MXI1: variants seen among roughly 807,000 people sequenced by gnomAD.
MXI1 encodes the protein max-interacting protein 1.
In MXI1, 18 loss-of-function variants were observed where a neutral mutation model predicts 36.9. That is an observed-to-expected ratio of 0.49 (90% CI 0.34 to 0.72). The LOEUF (loss-of-function observed/expected upper bound fraction) is 0.72, where lower values mean the gene tolerates loss of function less well. Ranked by LOEUF, MXI1 falls within the 30% of genes least tolerant of loss-of-function variation. The probability of loss-of-function intolerance (pLI) is 0.01; values close to 1 mark genes in which losing one functional copy is unlikely to be tolerated. For missense variants in MXI1, 304 were observed against 379.1 expected (o/e 0.80, Z 1.64); for synonymous variants, 160 against 146.7 (o/e 1.09, Z -0.65).
chr10:110,282,302 A>G (rs1046797903), intron 5 of MXI1, among the ~76,000 whole-genome samples: 3 of 150,708 alleles, frequency 2.0e-5, no homozygotes, highest in Non-Finnish European at 4.5e-5. Context: ...AGCCTTTTAA[A>G]TAGTTTTTTC....
intron 3 of MXI1, among the ~76,000 whole-genome samples, chr10:110,249,719 T>G (rs541930693): frequency 2.2e-4 from 33 of 152,246 alleles, no homozygotes; most frequent in African/African-American, 5.1e-4. Context: ...GAAGTAAAGT[T>G]AAATATGGAA....
At chr10:110,231,598 TTAAAA>T (rs1403697796) in intron 2 of MXI1, among the ~76,000 whole-genome samples, 1 of 152,188 alleles carries the variant, frequency 6.6e-6, no homozygotes, top group African/African-American at 2.4e-5. Flanking sequence ...TAATATATAA[TTAAAA>T]TAAATGCTTG....
intron 1 of MXI1, among the ~76,000 whole-genome samples, chr10:110,224,635 CTTTTTTT>C (rs34948360): frequency 7.9e-6 from 1 of 126,428 alleles, no homozygotes; most frequent in African/African-American, 3.0e-5. Flanking sequence ...CAGTCAGTGG[CTTTTTTT>C]TTTTTTTTTT....
At chr10:110,262,324 G>T (rs764895994) in intron 3 of MXI1, among the ~76,000 whole-genome samples, 1 of 152,088 alleles carries the variant, frequency 6.6e-6, no homozygotes, top group African/African-American at 2.4e-5. Context: ...GATGTACATA[G>T]GTTATATGCA....
intron 3 of MXI1, among the ~76,000 whole-genome samples, chr10:110,253,706 G>A (rs1390598288): frequency 1.3e-5 from 2 of 152,044 alleles, no homozygotes; most frequent in Non-Finnish European, 2.9e-5. Flanking sequence ...TATAACTTCA[G>A]CTGGATTAAA....
intron 3 of MXI1, among the ~76,000 whole-genome samples, chr10:110,262,085 G>A (rs981225308): frequency 2.0e-5 from 3 of 151,974 alleles, no homozygotes; most frequent in Admixed American, 1.3e-4. Context: ...AAATAACAAA[G>A]CAAAATCACA....
rs931437916 is a variant in MXI1 at position 110,285,995 on chromosome 10, A to G, written c.*1008A>G. ...AGTGGAAAAACACATGGGGAAAAAAATCATCTATTTTGATGCAGCATTTGA... is the reference window on the plus strand; with the variant it reads ...AGTGGAAAAACACATGGGGAAAAAAGTCATCTATTTTGATGCAGCATTTGA... On this transcript the variant is annotated 3_prime_UTR_variant, in exon 6 of 6. Coordinates refer to ENST00000332674, the MANE Select transcript of MXI1 (RefSeq NM_130439.3). The G allele has an allele frequency of 3.9e-5, 6 of 152,680 alleles. No homozygotes were observed. The highest frequency in any genetic ancestry group is 6.5e-5 in the Admixed American group (1 of 15,286). 9.5% of individuals were successfully genotyped at this position (152,680 alleles called of 1,614,324 possible).
At chr10:110,242,486 TG>T (rs1481561489) in intron 2 of MXI1, among the ~76,000 whole-genome samples, 2 of 152,034 alleles carry the variant, frequency 1.3e-5, no homozygotes, top group Non-Finnish European at 2.9e-5. Flanking sequence ...GGTAATGATT[TG>T]TATATTTATG....
intron 3 of MXI1, among the ~76,000 whole-genome samples, chr10:110,278,696 G>A (rs1468312010): frequency 7.8e-6 from 1 of 128,982 alleles, no homozygotes; most frequent in African/African-American, 3.7e-5. Flanking sequence ...GTTGTAGAGA[G>A]GTAGGGTGTG....
At chr10:110,263,790 C>T (rs1564721564) in intron 3 of MXI1, among the ~76,000 whole-genome samples, 4 of 152,082 alleles carry the variant, frequency 2.6e-5, no homozygotes, top group Admixed American at 6.6e-5. Context: ...TGTTTCTTCT[C>T]ACAGCTATTT....
chr10:110,223,047 G>A lies in MXI1; in HGVS notation c.275-5142G>A, dbSNP rs527349589. 2.7e-4 allele frequency among the ~76,000 whole-genome samples: 41 copies of A among 152,266 alleles called. No individual in the cohort carries two copies. The South Asian group carries it at 8.5e-3, about 32-fold the overall frequency. On this transcript the variant is annotated intron_variant, in intron 1 of 5. Transcript: ENST00000332674. ...CCTTCTTCAATGCAGGTGGCCTTTT[G>A]GTGAGTCTCGCTCTACTTTCCATGT...
At chr10:110,208,438 T>TTTTTC (rs761839450) in intron 1 of MXI1, 3 of 167,144 alleles carry the variant, frequency 1.8e-5, no homozygotes, top group Non-Finnish European at 2.6e-5. Context: ...TTTTTTTTTT[T>TTTTTC]CCGGAGCCTT....
At chr10:110,262,757 T>C (rs1030284142) in intron 3 of MXI1, among the ~76,000 whole-genome samples, 3 of 152,140 alleles carry the variant, frequency 2.0e-5, no homozygotes, top group African/African-American at 7.2e-5. Flanking sequence ...GTAAGTAATA[T>C]GCTCTACCAG....
In MXI1 at chr10:110,265,764, A is replaced by G. The variant is rs530010696; in HGVS notation, c.438-13416A>G. On this transcript the variant is annotated intron_variant, in intron 3 of 5. Transcript: ENST00000332674. Reference sequence around the variant, plus strand: ...ATGGGAGTTGAGGTAAACTCATAGCAGGGGGTTATCACGGGCTGAGGCTAA... The same window carrying G: ...ATGGGAGTTGAGGTAAACTCATAGCGGGGGGTTATCACGGGCTGAGGCTAA... Among the ~76,000 whole-genome samples the G allele has an allele frequency of 1.3e-3, 202 of 152,306 alleles. 1 individual carries two copies. The highest frequency in any genetic ancestry group is 6.8e-3 in the Middle Eastern group (2 of 294).
intron 3 of MXI1, among the ~76,000 whole-genome samples, chr10:110,268,460 T>C (rs751016023): frequency 6.6e-6 from 1 of 152,162 alleles, no homozygotes; most frequent in African/African-American, 2.4e-5. Flanking sequence ...AACCCAGATA[T>C]AACTTGAACC....
intron 3 of MXI1, among the ~76,000 whole-genome samples, chr10:110,259,208 A>G (rs1057007555): frequency 6.6e-6 from 1 of 152,138 alleles, no homozygotes; most frequent in Non-Finnish European, 1.5e-5. Flanking sequence ...GTTTAAGAAA[A>G]CAATTCTTCT....
At chr10:110,215,664 A>G (rs757715063) in intron 1 of MXI1, among the ~76,000 whole-genome samples, 1 of 152,244 alleles carries the variant, frequency 6.6e-6, no homozygotes, top group African/African-American at 2.4e-5. Context: ...TCATTGCAAC[A>G]TTCTCAATAG....
chr10:110,278,222 A>G (rs1857104909), intron 3 of MXI1, among the ~76,000 whole-genome samples: 1 of 152,204 alleles, frequency 6.6e-6, no homozygotes, highest in Non-Finnish European at 1.5e-5. Flanking sequence ...TCTCATCACC[A>G]TGATCATAGT....
chr10:110,243,615 T>G (rs1406116130), intron 2 of MXI1, among the ~76,000 whole-genome samples: 1 of 152,158 alleles, frequency 6.6e-6, no homozygotes, highest in Non-Finnish European at 1.5e-5. Flanking sequence ...TGACAGGAAT[T>G]TAAATTCTCC....
Sources: allele counts gnomAD v4.1 joint callset (sites outside exome capture counted in the v4.1 genomes callset), GRCh38; gene constraint gnomAD v4.1.1; transcripts MANE v1.5; gene names NCBI Gene and HGNC (gene_info 2026-07-23, HGNC 2026-07-21).